LSAMP: variants seen among roughly 807,000 people sequenced by gnomAD.
The protein encoded by LSAMP is limbic system-associated membrane protein.
Under a neutral mutation model 38.6 loss-of-function variants are expected in LSAMP, and 7 were observed. The ratio of observed to expected loss-of-function variants is 0.18; its 90% CI spans 0.10 to 0.34. The LOEUF is 0.34. Among genes scored for constraint, LSAMP ranks in the 10% least tolerant of loss-of-function variants. LSAMP has a pLI of 1.00. For synonymous variants in LSAMP, 154 were observed against 166.8 expected, an observed-to-expected ratio of 0.92 and a Z score of 0.59; for missense variants, 313 against 420.0, an observed-to-expected ratio of 0.75 and a Z score of 2.23.
At chr3:116,243,885 T>C (rs1297096717) in intron 1 of LSAMP, among the ~76,000 whole-genome samples, 1 of 152,238 alleles carries the variant, frequency 6.6e-6, no homozygotes, top group African/African-American at 2.4e-5. Context: ...ATAAAATTTG[T>C]ATTTCTAAAT....
chr3:116,388,942 A>C (rs897766026), intron 1 of LSAMP, among the ~76,000 whole-genome samples: 1 of 152,226 alleles, frequency 6.6e-6, no homozygotes, highest in Non-Finnish European at 1.5e-5. Flanking sequence ...AATAGAAAAT[A>C]AATTGGCATT....
intron 1 of LSAMP, among the ~76,000 whole-genome samples, chr3:116,113,592 A>T (rs1708674093): frequency 6.7e-6 from 1 of 149,988 alleles, no homozygotes; most frequent in African/African-American, 2.5e-5. Context: ...CGCCCGGCTA[A>T]TTTTTTGTAT....
At chr3:115,881,136 A>G (rs1253909997) in intron 3 of LSAMP, among the ~76,000 whole-genome samples, 1 of 152,142 alleles carries the variant, frequency 6.6e-6, no homozygotes, top group African/African-American at 2.4e-5. Context: ...CACCCAAGTT[A>G]TTAATATCAT....
At chr3:116,308,767 A>C (rs928469575) in intron 1 of LSAMP, among the ~76,000 whole-genome samples, 2 of 152,086 alleles carry the variant, frequency 1.3e-5, no homozygotes, top group Non-Finnish European at 2.9e-5. Flanking sequence ...TGAATAAATC[A>C]CTTTTGAACA....
chr3:116,387,695 A>G (rs2048642985), intron 1 of LSAMP, among the ~76,000 whole-genome samples: 1 of 152,120 alleles, frequency 6.6e-6, no homozygotes, highest in African/African-American at 2.4e-5. Context: ...GGGATTTCCT[A>G]GTGAAAATAA....
At chr3:115,937,230 C>T (rs1937733444) in intron 3 of LSAMP, among the ~76,000 whole-genome samples, 2 of 152,124 alleles carry the variant, frequency 1.3e-5, no homozygotes, top group African/African-American at 4.8e-5. Context: ...AAACCATTAA[C>T]AGCAGCACCT....
chr3:116,238,942 T>C (rs1161165716), intron 1 of LSAMP, among the ~76,000 whole-genome samples: 1 of 152,120 alleles, frequency 6.6e-6, no homozygotes, highest in Non-Finnish European at 1.5e-5. Context: ...ACCCCATGTA[T>C]CATCAACACT....
chr3:115,923,532 T>G lies in LSAMP; in HGVS notation c.515-70915A>C, dbSNP rs140103185. ...GGTACTTCCTATTTTGCTATCTTGT[T>G]GATATCACTCCTATGTAAGTCTTAA... On this transcript the variant is annotated intron_variant, in intron 3 of 6. Transcript: ENST00000490035. Among the ~76,000 whole-genome samples, 81 of 152,330 alleles carry G rather than the reference T, an allele frequency of 5.3e-4. No homozygotes were observed. In the East Asian group the frequency reaches 0.013, roughly 25 times the overall value.
chr3:116,416,351 C>A (rs1400673429), intron 1 of LSAMP, among the ~76,000 whole-genome samples: 1 of 152,072 alleles, frequency 6.6e-6, no homozygotes, highest in Non-Finnish European at 1.5e-5. Flanking sequence ...ATGTTAAATA[C>A]AGAATCTTAA....
At chr3:116,379,084 C>T (rs1243789198) in intron 1 of LSAMP, among the ~76,000 whole-genome samples, 7 of 151,196 alleles carry the variant, frequency 4.6e-5, no homozygotes, top group African/African-American at 9.7e-5. Flanking sequence ...TGTGAGTCTA[C>T]GGGCATTCTG....
intron 1 of LSAMP, among the ~76,000 whole-genome samples, chr3:116,089,627 G>A (rs1357744403): frequency 6.6e-6 from 1 of 152,096 alleles, no homozygotes; most frequent in Non-Finnish European, 1.5e-5. Context: ...AAAGTGCTGG[G>A]ATTACAGGCG....
chr3:115,970,466 A>G (rs1253326344), intron 3 of LSAMP, among the ~76,000 whole-genome samples: 20 of 152,166 alleles, frequency 1.3e-4, no homozygotes, highest in Admixed American at 1.3e-3. Flanking sequence ...TTGGCAGGAT[A>G]ATATCTTCAA....
intron 1 of LSAMP, among the ~76,000 whole-genome samples, chr3:116,443,367 T>C (rs1004759498): frequency 1.3e-5 from 2 of 152,170 alleles, no homozygotes; most frequent in African/African-American, 4.8e-5. Context: ...AGTAGGATCT[T>C]TGGGATTCGT....
At chr3:116,113,090 CTG>C (rs1213473055) in intron 1 of LSAMP, among the ~76,000 whole-genome samples, 1 of 151,444 alleles carries the variant, frequency 6.6e-6, no homozygotes, top group Non-Finnish European at 1.5e-5. Flanking sequence ...TACACAAACT[CTG>C]TGAGAAACAG....
chr3:116,172,352 C>A (rs1576410014), intron 1 of LSAMP, among the ~76,000 whole-genome samples: 1 of 142,850 alleles, frequency 7.0e-6, no homozygotes. Flanking sequence ...TAAGGCTTTC[C>A]TTTTTTTTTT....
chr3:116,339,837 T>C (rs1483355816), intron 1 of LSAMP, among the ~76,000 whole-genome samples: 2 of 152,054 alleles, frequency 1.3e-5, no homozygotes, highest in Non-Finnish European at 2.9e-5. Flanking sequence ...TAAGTGAAGA[T>C]GCAGCCAGAT....
At chr3:115,851,642 G>A (rs1380510651) in intron 4 of LSAMP, among the ~76,000 whole-genome samples, 1 of 152,160 alleles carries the variant, frequency 6.6e-6, no homozygotes, top group Non-Finnish European at 1.5e-5. Flanking sequence ...CTATATGTGT[G>A]TATGTAGGAT....
intron 2 of LSAMP, among the ~76,000 whole-genome samples, chr3:116,073,800 T>C (rs1286800232): frequency 6.6e-6 from 1 of 152,248 alleles, no homozygotes; most frequent in African/African-American, 2.4e-5. Context: ...TAAAACATGA[T>C]AGTTAATGTA....
intron 1 of LSAMP, among the ~76,000 whole-genome samples, chr3:116,408,618 C>T (rs1264895535): frequency 6.6e-6 from 1 of 152,020 alleles, no homozygotes; most frequent in Non-Finnish European, 1.5e-5. Context: ...ATCCTCATAG[C>T]CACCGTGCAT....
Sources: gnomAD v4.1 joint callset for allele counts (sites outside exome capture counted in the v4.1 genomes callset) on GRCh38, gnomAD v4.1.1 for gene constraint, MANE v1.5 for transcripts, NCBI Gene and HGNC (gene_info 2026-07-23, HGNC 2026-07-21) for gene names.